Variants in DTWD2 observed in about 807,000 individuals in gnomAD.
The protein encoded by DTWD2 is DTW motif tRNA-uridine aminocarboxypropyltransferase 2.
Under a neutral mutation model 31.8 loss-of-function variants are expected in DTWD2, and 39 were observed. The ratio of observed to expected loss-of-function variants is 1.22; its 90% CI spans 0.95 to 1.60. The LOEUF is 1.60. Ranked by LOEUF, DTWD2 falls within the 40% of genes most tolerant of loss-of-function variation. DTWD2 has a pLI of 0.00. For synonymous variants in DTWD2, 180 were observed against 142.8 expected, an observed-to-expected ratio of 1.26 and a Z score of -1.86; for missense variants, 515 against 381.5, an observed-to-expected ratio of 1.35 and a Z score of -2.92.
intron 1 of DTWD2, chr5:118,973,682 G>A (rs186607793): frequency 0.055 from 67,296 of 1,213,438 alleles, 2,320 homozygotes; most frequent in Middle Eastern, 0.078. Flanking sequence ...CGCCGCAGCC[G>A]CCTCCGCCAC....
At chr5:118,909,859 C>T (rs1003030330) in intron 4 of DTWD2, among the ~76,000 whole-genome samples, 2 of 152,216 alleles carry the variant, frequency 1.3e-5, no homozygotes, top group Non-Finnish European at 2.9e-5. Context: ...CACTCCATGC[C>T]ACTAGACCTG....
Position 118,838,060 on chromosome 5 carries a change from A to G in DTWD2, c.*2857T>C, listed in dbSNP as rs946032492. ...AGTTAGAGAAAATAATTTTTTCCCA[A>G]TATAATTCTCCTATTCCACATAAGT... On this transcript the variant is annotated 3_prime_UTR_variant, in exon 6 of 6. Coordinates refer to ENST00000510708, the MANE Select transcript of DTWD2 (RefSeq NM_173666.4). The G allele has an allele frequency of 3.3e-5, 5 of 152,212 alleles. No homozygotes were observed. The highest frequency in any genetic ancestry group is 2.1e-4 in the South Asian group (1 of 4,832). 9.4% of individuals were successfully genotyped at this position (152,212 alleles called of 1,614,324 possible).
At chr5:118,919,273 G>T (rs1753648814) in intron 4 of DTWD2, among the ~76,000 whole-genome samples, 1 of 152,212 alleles carries the variant, frequency 6.6e-6, no homozygotes, top group Non-Finnish European at 1.5e-5. Context: ...AGCTTACATA[G>T]GAACTGCCAG....
intron 4 of DTWD2, among the ~76,000 whole-genome samples, chr5:118,880,991 A>T (rs1486678104): frequency 1.3e-5 from 2 of 152,324 alleles, no homozygotes; most frequent in East Asian, 3.9e-4. Context: ...TTTGATCTTA[A>T]CTGATTAGTA....
At chr5:118,912,587 C>T (rs928122778) in intron 4 of DTWD2, among the ~76,000 whole-genome samples, 2 of 152,186 alleles carry the variant, frequency 1.3e-5, no homozygotes. Flanking sequence ...GAATGTTTTC[C>T]TCAATTTTTT....
At chr5:118,900,557 G>C (rs953505412) in intron 4 of DTWD2, among the ~76,000 whole-genome samples, 15 of 152,118 alleles carry the variant, frequency 9.9e-5, no homozygotes, top group Non-Finnish European at 2.2e-4. Flanking sequence ...ATACAAAAAA[G>C]ATAAAGTATT....
rs1491279398 is a variant in DTWD2, at chr5:118,885,457, A to AAG, written c.598-37240_598-37239insCT. On this transcript the variant is annotated intron_variant, in intron 4 of 5. Transcript: ENST00000510708. ...GGGCGACAGAGCAAGACTCCACCTC[A>AAG]AAAAAAAAAAAAAAAAAAAAAAAAT... is the stretch of plus-strand genomic sequence containing the variant. 9.6e-3 allele frequency among the ~76,000 whole-genome samples: 515 copies of AAG among 53,476 alleles called. 4 individuals are homozygous for AAG. Among genetic ancestry groups the AAG allele is most frequent in the African/African-American group, 0.044 (488 of 11,038 alleles). 35.1% of individuals were successfully genotyped at this position (53,476 alleles called of 152,430 possible).
chr5:118,975,621 A>C (rs1237945484), intron 1 of DTWD2, among the ~76,000 whole-genome samples: 14 of 151,856 alleles, frequency 9.2e-5, no homozygotes, highest in Non-Finnish European at 1.9e-4. Context: ...GGTTTTTGGG[A>C]TTTTCAGCCT....
rs755776548 is a variant in DTWD2 at position 118,988,298 on chromosome 5, A to C, written c.214T>G (p.Cys72Gly). 14 of 1,524,092 alleles carry C rather than the reference A, an allele frequency of 9.2e-6. No homozygotes were observed. Among genetic ancestry groups the C allele is most frequent in the African/African-American group, 1.4e-5 (1 of 71,950 alleles). 94.4% of individuals were successfully genotyped at this position (1,524,092 alleles called of 1,614,324 possible). Residue 72 changes from cysteine (C) to glycine (G), a missense_variant, in exon 1 of 6, where the codon TGC (cysteine) becomes GGC (glycine). By Grantham distance (159) the Cys-to-Gly change is radical. Transcript: ENST00000510708. Reference protein sequence around the residue: ...PAERRPECTRCSRPQKVCLCP... With the variant: ...PAERRPECTRGSRPQKVCLCP... ...CGCCCCCAGCCCCGCGGTCACCTGC[A>C]GCGGGTGCACTCAGGCCTCCGCTCG...
intron 4 of DTWD2, among the ~76,000 whole-genome samples, chr5:118,919,805 T>C (rs116297259): frequency 6.6e-4 from 100 of 152,314 alleles, no homozygotes; most frequent in Non-Finnish European, 1.4e-3. Context: ...CTCATATTTA[T>C]ACTATATTTG....
intron 4 of DTWD2, among the ~76,000 whole-genome samples, chr5:118,859,419 CAT>C (rs1417749532): frequency 6.6e-6 from 1 of 152,096 alleles, no homozygotes; most frequent in African/African-American, 2.4e-5. Flanking sequence ...GAATTAATGG[CAT>C]ATGTTTTACA....
intron 1 of DTWD2, among the ~76,000 whole-genome samples, chr5:118,962,012 C>T (rs537921705): frequency 2.6e-5 from 4 of 152,152 alleles, no homozygotes; most frequent in Non-Finnish European, 5.9e-5. Context: ...GAGGCTGAGG[C>T]GGGAGGATCA....
intron 2 of DTWD2, among the ~76,000 whole-genome samples, chr5:118,940,798 T>G (rs1754161758): frequency 6.6e-6 from 1 of 152,204 alleles, no homozygotes; most frequent in Non-Finnish European, 1.5e-5. Context: ...CCTTAAGTAC[T>G]GCCTCTCATA....
chr5:118,895,102 T>C (rs111646330), intron 4 of DTWD2, among the ~76,000 whole-genome samples: 74 of 152,250 alleles, frequency 4.9e-4, no homozygotes, highest in African/African-American at 1.7e-3. Flanking sequence ...CATGTCCTTA[T>C]ATTTAAAAAA....
intron 4 of DTWD2, among the ~76,000 whole-genome samples, chr5:118,875,398 C>A (rs1436018047): frequency 1.3e-5 from 2 of 151,948 alleles, no homozygotes; most frequent in Admixed American, 6.6e-5. Flanking sequence ...AATAAAAAGA[C>A]ACAGCATGGC....
At chr5:118,930,643 A>G (rs542072199) in intron 3 of DTWD2, among the ~76,000 whole-genome samples, 126 of 152,338 alleles carry the variant, frequency 8.3e-4, no homozygotes, top group African/African-American at 2.9e-3. Context: ...TTTTCTACCT[A>G]TTATTTAACC....
At chr5:118,969,833 T>C (rs553162443) in intron 1 of DTWD2, among the ~76,000 whole-genome samples, 13 of 152,180 alleles carry the variant, frequency 8.5e-5, no homozygotes, top group Middle Eastern at 3.4e-3. Flanking sequence ...GAAGCTGAGA[T>C]GACTGAAATG....
At chr5:118,919,622 T>C (rs1753656785) in intron 4 of DTWD2, among the ~76,000 whole-genome samples, 1 of 152,230 alleles carries the variant, frequency 6.6e-6, no homozygotes, top group Non-Finnish European at 1.5e-5. Context: ...AGATTTACAA[T>C]CTGAGCTGTA....
rs1404410811 is a variant in DTWD2, at chr5:118,840,113, A to G, written c.*804T>C. 1.3e-5 allele frequency: 2 copies of G among 152,198 alleles called. No homozygotes were observed. Among genetic ancestry groups the G allele is most frequent in the African/African-American group, 4.8e-5 (2 of 41,450 alleles). The allele number at this position is 152,198 out of a possible 1,614,324, so 9.4% of individuals were successfully genotyped here. A position where few individuals can be genotyped will look rare whatever the true frequency, so the allele number is the denominator to read the frequency against. On this transcript the variant is annotated 3_prime_UTR_variant, in exon 6 of 6. Coordinates refer to ENST00000510708, the MANE Select transcript of DTWD2 (RefSeq NM_173666.4). ...AGGAAGAATTTTTTCTCTCAAATGG[A>G]AAGTTTTTGCTCGTTAAAAAGGTTA...
Sources: gnomAD v4.1 joint callset for allele counts (sites outside exome capture counted in the v4.1 genomes callset) on GRCh38, gnomAD v4.1.1 for gene constraint, MANE v1.5 for transcripts, NCBI Gene and HGNC (gene_info 2026-07-23, HGNC 2026-07-21) for gene names.